YTHDF2: variants seen among roughly 807,000 people sequenced by gnomAD.
YTHDF2 encodes YTH N6-methyladenosine RNA binding protein F2.
A neutral mutation model predicts 50.4 loss-of-function variants in YTHDF2; 2 were observed. The observed-to-expected ratio is 0.04, with a 90% CI of 0.02 to 0.12. The LOEUF (loss-of-function observed/expected upper bound fraction) is 0.12, where lower values mean the gene tolerates loss of function less well. Among genes scored for constraint, YTHDF2 ranks in the 10% least tolerant of loss-of-function variants. The probability of loss-of-function intolerance (pLI) is 1.00; values close to 1 mark genes in which losing one functional copy is unlikely to be tolerated. For missense variants in YTHDF2, 483 were observed against 722.6 expected (o/e 0.67, Z 3.80); for synonymous variants, 217 against 255.6 (o/e 0.85, Z 1.44).
intron 4 of YTHDF2, among the ~76,000 whole-genome samples, chr1:28,767,782 A>G (rs1425014007): frequency 9.9e-6 from 1 of 101,464 alleles, no homozygotes; most frequent in South Asian, 4.1e-4. Flanking sequence ...TGCTGGGACT[A>G]CAGGCGCGTG....
intron 4 of YTHDF2, among the ~76,000 whole-genome samples, chr1:28,759,787 C>G (rs1426007699): frequency 1.6e-4 from 25 of 152,006 alleles, no homozygotes; most frequent in Admixed American, 1.6e-3. Context: ...GAAACCCCAT[C>G]TCTACTAAAA....
intron 4 of YTHDF2, among the ~76,000 whole-genome samples, chr1:28,766,310 C>T (rs1049736752): frequency 4.3e-4 from 66 of 152,058 alleles, no homozygotes; most frequent in African/African-American, 1.6e-3. Context: ...AAGACAAGGG[C>T]TTTGCCAGGT....
At chr1:28,744,079 G>A in intron 4 of YTHDF2, 93 bp downstream of exon 4, 3 of 1,313,290 alleles carry the variant, frequency 2.3e-6, no homozygotes, top group Non-Finnish European at 3.0e-6. Flanking sequence ...TAAAAACTCT[G>A]TAAATGAATA....
intron 4 of YTHDF2, among the ~76,000 whole-genome samples, chr1:28,756,841 C>G (rs1052859101): frequency 5.3e-5 from 8 of 152,098 alleles, no homozygotes; most frequent in African/African-American, 1.9e-4. Context: ...AAGGACTGTT[C>G]TTATAGTTCC....
intron 4 of YTHDF2, among the ~76,000 whole-genome samples, chr1:28,763,865 A>G (rs1570481062): frequency 9.4e-6 from 1 of 105,988 alleles, no homozygotes; most frequent in East Asian, 2.0e-4. Context: ...CAAAGAACCA[A>G]CTTTTGTTTT....
rs2088278109 is a variant in YTHDF2 at position 28,769,762 on chromosome 1, C to T, written c.*810C>T. ...AATCACTTCTCAATAAACGTGAGAT[C>T]CTGTTGAGCATCACTTCTAGTACCA... On this transcript the variant is annotated 3_prime_UTR_variant, in exon 5 of 5. Transcript: ENST00000373812. 1 of 152,594 alleles carries T rather than the reference C, an allele frequency of 6.6e-6. No individual in the cohort carries two copies. Among genetic ancestry groups the T allele is most frequent in the Non-Finnish European group, 1.5e-5 (1 of 68,036 alleles). 9.5% of individuals were successfully genotyped at this position (152,594 alleles called of 1,614,324 possible).
chr1:28,739,075 T>C (rs1174555627), intron 3 of YTHDF2: 1 of 152,202 alleles, frequency 6.6e-6, no homozygotes, highest in East Asian at 1.9e-4. Context: ...GGGAAAGTTC[T>C]AATGTAAAAT....
chr1:28,742,450 C>T lies in YTHDF2; in HGVS notation c.180C>T (p.Tyr60=). The change falls in exon 4 of 5, where the codon TAC becomes TAT. Residue 60 remains tyrosine, a synonymous_variant. Coordinates refer to ENST00000373812, the MANE Select transcript of YTHDF2 (RefSeq NM_016258.3). ...CAGATTCCTACTTACCCAGTTACTA[C>T]AGTCCCTCCATTGGCTTCTCCTATT... ...AMSDSYLPSY[Y]SPSIGFSYSL... 3.7e-6 allele frequency: 6 copies of T among 1,606,682 alleles called. No homozygotes were observed. The highest frequency in any genetic ancestry group is 5.1e-6 in the Non-Finnish European group (6 of 1,177,090).
At chr1:28,737,210 G>A (rs1331012072) in intron 1 of YTHDF2, 63 bp downstream of exon 1, 1 of 1,491,700 alleles carries the variant, frequency 6.7e-7, no homozygotes, top group Non-Finnish European at 8.9e-7. Flanking sequence ...GACTAGGCCC[G>A]GGCCCGCCGC....
At position 28,742,875 on chromosome 1, in the gene YTHDF2, A is replaced by G. The variant is rs200495021; in HGVS notation, c.605A>G (p.Asn202Ser). The change falls in exon 4 of 5, where the codon AAT becomes AGT. Residue 202 changes from asparagine to serine, a missense_variant. Asn to Ser is a conservative substitution (Grantham distance 46). Around this residue, in one of 4 missense-constraint regions of YTHDF2, gnomAD observed 385 missense variants for 475.8 expected, o/e 0.81. Coordinates refer to ENST00000373812, the MANE Select transcript of YTHDF2 (RefSeq NM_016258.3). ...TTGGGTAGCACAGAAGTTGCAAGCAATGTTCCAAAAGTTGTAGGTTCTGCT... is the reference window on the plus strand; with the variant it reads ...TTGGGTAGCACAGAAGTTGCAAGCAGTGTTCCAAAAGTTGTAGGTTCTGCT... ...LKLGSTEVAS[N>S]VPKVVGSAVG... 1.2e-6 allele frequency: 2 copies of G among 1,614,038 alleles called. No homozygotes were observed. The highest frequency in any genetic ancestry group is 1.7e-5 in the Admixed American group (1 of 59,982).
chr1:28,758,854 C>T (rs778147446), intron 4 of YTHDF2, among the ~76,000 whole-genome samples: 11 of 152,056 alleles, frequency 7.2e-5, no homozygotes, highest in African/African-American at 1.4e-4. Flanking sequence ...TGGACCTGGA[C>T]GTGAGAGCTT....
chr1:28,749,361 T>C (rs1483293180), intron 4 of YTHDF2, among the ~76,000 whole-genome samples: 1 of 151,976 alleles, frequency 6.6e-6, no homozygotes, highest in Non-Finnish European at 1.5e-5. Flanking sequence ...TTTGTATTTT[T>C]AGTAGAGACG....
rs187621198 is a variant in YTHDF2, at chr1:28,738,618, T to C, written c.132+280T>C. On this transcript the variant is annotated intron_variant, in intron 3 of 4. Transcript: ENST00000373812. ...CACCACCGCACACAGCTAGTTTTTC[T>C]ATTTTTTTAGTAGAGACGGGGTTTC... Among the ~76,000 whole-genome samples, 280 of 152,298 alleles carry C rather than the reference T, an allele frequency of 1.8e-3. 4 individuals carry two copies. Among genetic ancestry groups the C allele is most frequent in the Admixed American group, 0.015 (229 of 15,296 alleles).
rs191811174 is a variant in YTHDF2 at position 28,745,043 on chromosome 1, T to C, written c.1716+1057T>C. Among the ~76,000 whole-genome samples, 12 of 152,292 alleles carry C rather than the reference T, an allele frequency of 7.9e-5. No individual in the cohort carries two copies. In the East Asian group the frequency reaches 2.3e-3, roughly 29 times the overall value. On this transcript the variant is annotated intron_variant, in intron 4 of 4. Transcript: ENST00000373812. ...TTTTCTTTGAAGATCTGTGTATTAG[T>C]GGTTGAGAGAATCCTGAGTTGATTA...
At chr1:28,737,586 C>T (rs2087713595) in intron 1 of YTHDF2, 72 bp from the exon 2 acceptor site, 6 of 1,607,474 alleles carry the variant, frequency 3.7e-6, no homozygotes, top group South Asian at 1.1e-5. Flanking sequence ...CGGGCCCTGC[C>T]TTAATTTGTT....
At chr1:28,759,727 G>A (rs1260830425) in intron 4 of YTHDF2, among the ~76,000 whole-genome samples, 4 of 151,570 alleles carry the variant, frequency 2.6e-5, no homozygotes, top group Non-Finnish European at 4.4e-5. Flanking sequence ...AGGCTGAGGC[G>A]GGTGGATTAC....
Position 28,737,652 on chromosome 1 carries a change from C to G in YTHDF2, c.28-6C>G, listed in dbSNP as rs762518048. 8.1e-6 allele frequency: 13 copies of G among 1,613,864 alleles called. No homozygotes were observed. Among genetic ancestry groups the G allele is most frequent in the South Asian group, 2.2e-5 (2 of 91,078 alleles). ...TGCTGCTCGGCGACGTTTCCTTCCC[C>G]TGCAGAGACCAAAAGGTCAAGGAAA... is the stretch of plus-strand genomic sequence containing the variant. On this transcript the variant is annotated splice_polypyrimidine_tract_variant and splice_region_variant and intron_variant, in intron 1 of 4. Coordinates refer to ENST00000373812, the MANE Select transcript of YTHDF2 (RefSeq NM_016258.3).
rs3968058 is a variant in YTHDF2 at position 28,743,366 on chromosome 1, G to A, written c.1096G>A (p.Val366Met). ...NRGSGFGHNG[V>M]DGNGVGQSQA... ...TGGCAGTGGGTTCGGTCATAATGGG[G>A]TGGATGGTAATGGAGTAGGACAGTC... The change falls in exon 4 of 5, where the codon GTG becomes ATG. Residue 366 changes from valine to methionine, a missense_variant. By Grantham distance (21) the Val-to-Met change is conservative (BLOSUM62 1). Around this residue, in one of 4 missense-constraint regions of YTHDF2, gnomAD observed 385 missense variants for 475.8 expected, o/e 0.81. Coordinates refer to ENST00000373812, the MANE Select transcript of YTHDF2 (RefSeq NM_016258.3). This position sits in a 1 kb window ranked among gnomAD's most constrained non-coding sequence, Gnocchi z 6.9. The A allele has an allele frequency of 6.2e-7, 1 of 1,614,180 alleles. No individual in the cohort carries two copies. Among genetic ancestry groups the A allele is most frequent in the Non-Finnish European group, 8.5e-7 (1 of 1,180,038 alleles).
At chr1:28,755,266 A>T (rs1329329965) in intron 4 of YTHDF2, among the ~76,000 whole-genome samples, 2 of 152,156 alleles carry the variant, frequency 1.3e-5, no homozygotes, top group African/African-American at 4.8e-5. Context: ...TGGAGCTCAG[A>T]TTGTTGACAG....
Sources: allele counts gnomAD v4.1 joint callset (sites outside exome capture counted in the v4.1 genomes callset), GRCh38; gene constraint gnomAD v4.1.1; regional missense constraint gnomAD v4.1.1; non-coding constraint Gnocchi (gnomAD v3.1); transcripts MANE v1.5; gene names NCBI Gene and HGNC (gene_info 2026-07-23, HGNC 2026-07-21).